GPATCH8: variants seen among roughly 807,000 people sequenced by gnomAD.
The protein encoded by GPATCH8 is G-patch domain containing 8.
GPATCH8 carries 18 observed loss-of-function variants against 118.3 expected under a neutral mutation model. That is an observed-to-expected ratio of 0.15 (90% CI 0.11 to 0.23). The LOEUF (loss-of-function observed/expected upper bound fraction) is 0.23, where lower values mean the gene tolerates loss of function less well. Among genes scored for constraint, GPATCH8 ranks in the 10% least tolerant of loss-of-function variants. The pLI, the probability that GPATCH8 is intolerant of heterozygous loss-of-function variation, is 1.00. For synonymous variants in GPATCH8, 659 were observed against 684.7 expected (o/e 0.96, Z 0.59); for missense variants, 1,631 against 1,873.8 (o/e 0.87, Z 2.39).
At chr17:44,470,853 T>C (rs552298657) in intron 2 of GPATCH8, among the ~76,000 whole-genome samples, 181 of 152,324 alleles carry the variant, frequency 1.2e-3, no homozygotes, top group Non-Finnish European at 2.0e-3. Context: ...CCGTGTATCC[T>C]AAAAAACACC....
rs74379962 is a variant in GPATCH8, at chr17:44,410,286, C to T, written c.493-4235G>A. On this transcript the variant is annotated intron_variant, in intron 6 of 7. Transcript: ENST00000591680. Reference sequence around the variant, plus strand: ...TCTTAAATTCTAAAGAGGAACACAACTATAGATAATTTCTTCAGGTGAGAA... The same window carrying T: ...TCTTAAATTCTAAAGAGGAACACAATTATAGATAATTTCTTCAGGTGAGAA... Among the ~76,000 whole-genome samples the T allele has an allele frequency of 3.4e-4, 52 of 152,336 alleles. No individual in the cohort carries two copies. In the East Asian group the frequency reaches 9.3e-3, roughly 27 times the overall value.
intron 1 of GPATCH8, among the ~76,000 whole-genome samples, chr17:44,496,274 T>G (rs1019257420): frequency 2.0e-5 from 3 of 152,238 alleles, no homozygotes; most frequent in Non-Finnish European, 4.4e-5. Flanking sequence ...CCTCTTTTCT[T>G]ATTAACTCTG....
chr17:44,397,953 A>G lies in GPATCH8; in HGVS notation c.4124T>C (p.Val1375Ala). The change falls in exon 8 of 8, where the codon GTT becomes GCT. Residue 1375 changes from valine to alanine, a missense_variant. By Grantham distance (64) the Val-to-Ala change is moderately conservative. Around this residue, in one of 8 missense-constraint regions of GPATCH8, gnomAD observed 111 missense variants for 112.4 expected, o/e 0.99. Coordinates refer to ENST00000591680, the MANE Select transcript of GPATCH8 (RefSeq NM_001002909.4). Reference sequence around the variant, plus strand: ...ATGATGTTGTAGGATGGCATGCTGAACAGTTGTGATGGAGGTGGCAGAGGC... The same window carrying G: ...ATGATGTTGTAGGATGGCATGCTGAGCAGTTGTGATGGAGGTGGCAGAGGC... ...ATASATSITT[V>A]QHAILQHHAA... is the part of the protein sequence containing the mutation. 6.2e-7 allele frequency: 1 copy of G among 1,614,004 alleles called. No individual in the cohort carries two copies. Among genetic ancestry groups the G allele is most frequent in the Non-Finnish European group, 8.5e-7 (1 of 1,179,942 alleles).
chr17:44,435,562 C>A (rs138348064), intron 4 of GPATCH8, among the ~76,000 whole-genome samples: 8 of 149,628 alleles, frequency 5.3e-5, no homozygotes, highest in Non-Finnish European at 8.9e-5. Flanking sequence ...TACAGGTGCC[C>A]GCCACAATGC....
Position 44,400,121 on chromosome 17 carries a change from C to A in GPATCH8, c.1956G>T (p.Gly652=), listed in dbSNP as rs1231540903. Reference sequence around the variant, plus strand: ...TTCTCCCTGTGTCTTCTGTCTCAGACCCATGGCTACCCCCAGGCTCCTGCT... The same window carrying A: ...TTCTCCCTGTGTCTTCTGTCTCAGAACCATGGCTACCCCCAGGCTCCTGCT... ...LNKQEPGGSH[G]SETEDTGRSL... Residue 652 remains glycine (G), a synonymous_variant, in exon 8 of 8, where the codon GGG becomes GGT. Transcript: ENST00000591680. 6.2e-7 allele frequency: 1 copy of A among 1,613,976 alleles called. No homozygotes were observed. The highest frequency in any genetic ancestry group is 2.2e-5 in the East Asian group (1 of 44,858).
At chr17:44,436,375 A>G (rs2050514211) in intron 4 of GPATCH8, 103 bp downstream of exon 4, 5 of 742,430 alleles carry the variant, frequency 6.7e-6, no homozygotes, top group Non-Finnish European at 1.0e-5. Flanking sequence ...TATTAAAACT[A>G]CATTTCATCT....
intron 6 of GPATCH8, among the ~76,000 whole-genome samples, chr17:44,406,508 G>GT (rs1555622780): frequency 3.2e-5 from 3 of 94,312 alleles, no homozygotes; most frequent in African/African-American, 1.5e-4. Context: ...GGGGGGGGGG[G>GT]TTATTTAAAT....
chr17:44,499,985 A>G (rs1050986931), intron 1 of GPATCH8, among the ~76,000 whole-genome samples: 1 of 152,160 alleles, frequency 6.6e-6, no homozygotes, highest in African/African-American at 2.4e-5. Flanking sequence ...ACACAATGTA[A>G]TTTATCATTG....
At chr17:44,463,472 C>T (rs919403528) in intron 3 of GPATCH8, among the ~76,000 whole-genome samples, 13 of 152,194 alleles carry the variant, frequency 8.5e-5, no homozygotes, top group African/African-American at 2.7e-4. Context: ...CTGCAACCTC[C>T]GCCTTCCAGG....
intron 2 of GPATCH8, chr17:44,467,085 T>C: frequency 8.1e-7 from 1 of 1,241,468 alleles, no homozygotes; most frequent in Non-Finnish European, 1.1e-6. Flanking sequence ...GTGAAAGCAT[T>C]TCCATACGAA....
Position 44,398,342 on chromosome 17 carries a change from G to A in GPATCH8, c.3735C>T (p.Pro1245=), listed in dbSNP as rs138409533. Residue 1245 remains proline, a synonymous_variant, in exon 8 of 8, where the codon CCC becomes CCT. Coordinates refer to ENST00000591680, the MANE Select transcript of GPATCH8 (RefSeq NM_001002909.4). ...CCAGGGTGTCCCCATCACTGGGGTCGGGGAGGTAGTTATGGGAGATGGTTG... is the reference window on the plus strand; with the variant it reads ...CCAGGGTGTCCCCATCACTGGGGTCAGGGAGGTAGTTATGGGAGATGGTTG... ...GDPTISHNYL[P]DPSDGDTLES... 7.4e-5 allele frequency: 119 copies of A among 1,614,062 alleles called. No homozygotes were observed. The African/African-American group carries it at 1.2e-3, about 17-fold the overall frequency.
At chr17:44,446,326 G>A (rs1423640795) in intron 3 of GPATCH8, among the ~76,000 whole-genome samples, 1 of 152,112 alleles carries the variant, frequency 6.6e-6, no homozygotes, top group Non-Finnish European at 1.5e-5. Context: ...CAGCACTTTG[G>A]GAGGCCGAGG....
intron 1 of GPATCH8, among the ~76,000 whole-genome samples, 176 bp from the exon 2 acceptor site, chr17:44,475,079 T>C (rs1428506488): frequency 6.6e-6 from 1 of 152,182 alleles, no homozygotes; most frequent in African/African-American, 2.4e-5. Flanking sequence ...TCCAACTTTT[T>C]AAAAATTTAT....
Position 44,397,613 on chromosome 17 carries a change from G to A in GPATCH8, c.4464C>T (p.Ile1488=), listed in dbSNP as rs992763849. ...GATGTTGCAGGTCCTGACCTGAGAA[G>A]ATGGGGTGAAGTAGTGGGTGAAGGT... ...ALHLHPLLHP[I]FSGQDLQHPP... Residue 1488 remains isoleucine (I), a synonymous_variant, in exon 8 of 8, where the codon ATC becomes ATT. Coordinates refer to ENST00000591680, the MANE Select transcript of GPATCH8 (RefSeq NM_001002909.4). The A allele has an allele frequency of 5.0e-6, 8 of 1,613,866 alleles. No individual in the cohort carries two copies. Among genetic ancestry groups the A allele is most frequent in the Admixed American group, 1.7e-5 (1 of 59,988 alleles).
intron 1 of GPATCH8, among the ~76,000 whole-genome samples, chr17:44,500,017 G>A (rs887002013): frequency 6.6e-6 from 1 of 152,008 alleles, no homozygotes; most frequent in African/African-American, 2.4e-5. Flanking sequence ...CCTAGAAGCC[G>A]TTGGGAGACC....
chr17:44,435,565 C>T (rs965652607), intron 4 of GPATCH8, among the ~76,000 whole-genome samples: 2 of 150,328 alleles, frequency 1.3e-5, no homozygotes, highest in African/African-American at 4.9e-5. Context: ...AGGTGCCCGC[C>T]ACAATGCCCT....
chr17:44,437,324 A>G (rs1402326438), intron 3 of GPATCH8, among the ~76,000 whole-genome samples: 1 of 152,162 alleles, frequency 6.6e-6, no homozygotes, highest in Non-Finnish European at 1.5e-5. Flanking sequence ...TTTAATAAAT[A>G]TATATTTAAT....
intron 1 of GPATCH8, among the ~76,000 whole-genome samples, chr17:44,485,625 G>GCTAC (rs1968719911): frequency 6.6e-6 from 1 of 152,040 alleles, no homozygotes; most frequent in African/African-American, 2.4e-5. Flanking sequence ...ATCTGGCCAG[G>GCTAC]CTACCATTCC....
intron 6 of GPATCH8, among the ~76,000 whole-genome samples, chr17:44,416,219 C>T (rs920848543): frequency 2.6e-5 from 4 of 152,110 alleles, no homozygotes; most frequent in African/African-American, 9.7e-5. Context: ...CCATGTTGGC[C>T]AGGCTGGTCT....
Sources: allele counts gnomAD v4.1 joint callset (sites outside exome capture counted in the v4.1 genomes callset), GRCh38; gene constraint gnomAD v4.1.1; regional missense constraint gnomAD v4.1.1; transcripts MANE v1.5; gene names NCBI Gene and HGNC (gene_info 2026-07-23, HGNC 2026-07-21).